Variants in ANKS1B observed in about 807,000 individuals in gnomAD.
The protein encoded by ANKS1B is ankyrin repeat and sterile alpha motif domain containing 1B.
A neutral mutation model predicts 148.3 loss-of-function variants in ANKS1B; 36 were observed. The observed-to-expected ratio is 0.24, with a 90% CI of 0.19 to 0.32. ANKS1B has a LOEUF of 0.32. Among genes scored for constraint, ANKS1B ranks in the 10% least tolerant of loss-of-function variants. The pLI is 1.00. For missense variants in ANKS1B, 1,157 were observed against 1,542.6 expected (o/e 0.75, Z 4.19); for synonymous variants, 542 against 560.8 (o/e 0.97, Z 0.47).
intron 12 of ANKS1B, among the ~76,000 whole-genome samples, chr12:99,346,959 A>G (rs528359244): frequency 3.6e-4 from 55 of 152,110 alleles, no homozygotes; most frequent in Non-Finnish European, 5.9e-4. Context: ...ATTTGTGTCC[A>G]TCCCCACCAT....
At chr12:99,402,064 C>A (rs1049563764) in intron 11 of ANKS1B, among the ~76,000 whole-genome samples, 2 of 146,292 alleles carry the variant, frequency 1.4e-5, no homozygotes, top group African/African-American at 2.6e-5. Context: ...AAATATTTGG[C>A]CACTCCTGTT....
intron 17 of ANKS1B, among the ~76,000 whole-genome samples, chr12:98,908,160 G>A (rs953107154): frequency 6.6e-6 from 1 of 152,150 alleles, no homozygotes; most frequent in Admixed American, 6.5e-5. Flanking sequence ...TGTCTGCTGT[G>A]GGTTGGGAGT....
At chr12:99,150,120 G>A (rs1213701680) in intron 15 of ANKS1B, among the ~76,000 whole-genome samples, 1 of 152,104 alleles carries the variant, frequency 6.6e-6, no homozygotes, top group African/African-American at 2.4e-5. Flanking sequence ...GGTACTAATG[G>A]TCCATGTTCC....
At chr12:99,716,676 C>T (rs1041079997) in intron 8 of ANKS1B, among the ~76,000 whole-genome samples, 2 of 152,102 alleles carry the variant, frequency 1.3e-5, no homozygotes, top group East Asian at 3.9e-4. Context: ...AGGTGCCTGA[C>T]ATCCAGGCAT....
At chr12:99,125,690 G>C (rs893194748) in intron 15 of ANKS1B, among the ~76,000 whole-genome samples, 2 of 152,188 alleles carry the variant, frequency 1.3e-5, no homozygotes, top group Admixed American at 6.5e-5. Context: ...GTAAGGTAAA[G>C]AAGAGGGAGG....
At chr12:99,651,460 C>CT (rs2098418887) in intron 9 of ANKS1B, among the ~76,000 whole-genome samples, 1 of 152,150 alleles carries the variant, frequency 6.6e-6, no homozygotes, top group African/African-American at 2.4e-5. Flanking sequence ...ATTGCAAACT[C>CT]TTAACAGAGA....
intron 8 of ANKS1B, among the ~76,000 whole-genome samples, chr12:99,710,234 G>A (rs2056438745): frequency 6.6e-6 from 1 of 152,070 alleles, no homozygotes; most frequent in African/African-American, 2.4e-5. Flanking sequence ...AATTCCTCTT[G>A]ACTTTAAACC....
chr12:99,736,775 A>G (rs1320474338), intron 8 of ANKS1B, among the ~76,000 whole-genome samples: 1 of 152,158 alleles, frequency 6.6e-6, no homozygotes, highest in African/African-American at 2.4e-5. Context: ...TGAATGAAAG[A>G]AAGTATTTGC....
At chr12:99,917,923 G>A (rs571809990) in intron 1 of ANKS1B, among the ~76,000 whole-genome samples, 3 of 152,358 alleles carry the variant, frequency 2.0e-5, no homozygotes, top group Admixed American at 6.5e-5. Context: ...TCGCCTGAGC[G>A]CTGTCTCTTG....
intron 16 of ANKS1B, among the ~76,000 whole-genome samples, chr12:99,082,912 T>C (rs2050316084): frequency 6.6e-6 from 1 of 152,164 alleles, no homozygotes; most frequent in South Asian, 2.1e-4. Context: ...GTGCTATAGA[T>C]ACAGCAGTAT....
chr12:99,234,402 A>G (rs753669466), intron 14 of ANKS1B, among the ~76,000 whole-genome samples: 2 of 152,120 alleles, frequency 1.3e-5, no homozygotes, highest in African/African-American at 2.4e-5. Context: ...TGACTGGTGC[A>G]TTTATCATGA....
At chr12:99,191,749 G>A (rs10860401) in intron 14 of ANKS1B, among the ~76,000 whole-genome samples, 82,753 of 151,942 alleles carry the variant, frequency 0.54, 23,718 homozygotes, top group Non-Finnish European at 0.63. Flanking sequence ...TGTAGATGAC[G>A]GGTTGATGGG....
intron 14 of ANKS1B, among the ~76,000 whole-genome samples, chr12:99,206,125 C>T (rs1232025489): frequency 3.3e-5 from 5 of 152,100 alleles, no homozygotes; most frequent in Admixed American, 1.3e-4. Flanking sequence ...AGAAAATGTC[C>T]GTTCAACAAG....
intron 6 of ANKS1B, among the ~76,000 whole-genome samples, chr12:99,779,592 C>G (rs1241873020): frequency 6.6e-6 from 1 of 152,030 alleles, no homozygotes; most frequent in Non-Finnish European, 1.5e-5. Context: ...CAGCTCATAA[C>G]TACATATTTA....
intron 10 of ANKS1B, among the ~76,000 whole-genome samples, chr12:99,494,593 C>T (rs957187692): frequency 2.0e-5 from 3 of 151,490 alleles, no homozygotes; most frequent in South Asian, 2.1e-4. Flanking sequence ...ATTAGCCGGG[C>T]GTGGTGGCGG....
intron 12 of ANKS1B, among the ~76,000 whole-genome samples, chr12:99,342,049 C>A (rs1303630642): frequency 6.6e-6 from 1 of 152,040 alleles, no homozygotes; most frequent in East Asian, 1.9e-4. Flanking sequence ...TAATTAAATA[C>A]CTACTATGTG....
At chr12:98,793,333 T>C (rs1437651735) in intron 22 of ANKS1B, among the ~76,000 whole-genome samples, 1 of 152,186 alleles carries the variant, frequency 6.6e-6, no homozygotes, top group East Asian at 1.9e-4. Flanking sequence ...TTAAAGTTGA[T>C]TATTTGTCAA....
chr12:99,102,637 C>T (rs950300768), intron 15 of ANKS1B, among the ~76,000 whole-genome samples: 17 of 151,984 alleles, frequency 1.1e-4, no homozygotes, highest in East Asian at 1.9e-4. Flanking sequence ...CCGGCTACTC[C>T]GGGGGCTGAT....
intron 17 of ANKS1B, among the ~76,000 whole-genome samples, chr12:99,002,003 A>G (rs1453924077): frequency 6.6e-6 from 1 of 152,158 alleles, no homozygotes; most frequent in Non-Finnish European, 1.5e-5. Flanking sequence ...TAAAGACTGA[A>G]TAAGATTTTC....
Sources: gnomAD v4.1 joint callset for allele counts (sites outside exome capture counted in the v4.1 genomes callset) on GRCh38, gnomAD v4.1.1 for gene constraint, MANE v1.5 for transcripts, NCBI Gene and HGNC (gene_info 2026-07-23, HGNC 2026-07-21) for gene names.